NELL2: variants seen among roughly 807,000 people sequenced by gnomAD.
NELL2 encodes protein kinase C-binding protein NELL2.
NELL2 carries 41 observed loss-of-function variants against 109.6 expected under a neutral mutation model. That is an observed-to-expected ratio of 0.37 (90% CI 0.29 to 0.49). The LOEUF (loss-of-function observed/expected upper bound fraction) is 0.49. Among genes scored for constraint, NELL2 ranks in the 20% least tolerant of loss-of-function variants. The probability of loss-of-function intolerance (pLI) is 0.98; values close to 1 mark genes in which losing one functional copy is unlikely to be tolerated. For missense variants in NELL2, 900 were observed against 1,008.3 expected (o/e 0.89, Z 1.45); for synonymous variants, 355 against 344.7 (o/e 1.03, Z -0.33).
chr12:44,919,188 A>G (rs1592721794), intron 1 of NELL2, among the ~76,000 whole-genome samples: 1 of 152,210 alleles, frequency 6.6e-6, no homozygotes, highest in Admixed American at 6.5e-5. Flanking sequence ...AACAATTTTT[A>G]AAACTCCCTA....
At chr12:44,865,895 G>A (rs868595343) in intron 2 of NELL2, among the ~76,000 whole-genome samples, 6 of 151,646 alleles carry the variant, frequency 4.0e-5, no homozygotes, top group Non-Finnish European at 8.8e-5. Flanking sequence ...AACCACAATG[G>A]TATTGCTATG....
At chr12:44,714,333 GC>G (rs1382612256) in intron 10 of NELL2, among the ~76,000 whole-genome samples, 3 of 151,856 alleles carry the variant, frequency 2.0e-5, no homozygotes, top group Non-Finnish European at 4.4e-5. Flanking sequence ...GTGACAAAAA[GC>G]TAAGTCTAAC....
rs147425417 is a variant in NELL2, at chr12:44,674,414, T to C, written c.1319-8805A>G. On this transcript the variant is annotated intron_variant, in intron 12 of 19. Coordinates refer to ENST00000429094, the MANE Select transcript of NELL2 (RefSeq NM_001145108.2). ...GAGATATCCAGGGAAAATATAACGG[T>C]GTGGCAGGGCTTCAGGTGGATTTTG... Among the ~76,000 whole-genome samples the C allele has an allele frequency of 1.8e-3, 269 of 152,174 alleles. 1 individual carries two copies. Among genetic ancestry groups the C allele is most frequent in the African/African-American group, 5.9e-3 (243 of 41,524 alleles).
intron 1 of NELL2, among the ~76,000 whole-genome samples, chr12:44,906,009 A>C (rs557920284): frequency 1.3e-5 from 2 of 152,260 alleles, no homozygotes; most frequent in African/African-American, 4.8e-5. Flanking sequence ...TGCTATGGAA[A>C]TAATATAATA....
At chr12:44,518,389 C>T (rs544029330) in intron 19 of NELL2, among the ~76,000 whole-genome samples, 1 of 152,004 alleles carries the variant, frequency 6.6e-6, no homozygotes, top group Non-Finnish European at 1.5e-5. Flanking sequence ...GGACTACAGG[C>T]ACCCACCACC....
chr12:44,567,908 T>C (rs1201007432), intron 15 of NELL2, among the ~76,000 whole-genome samples: 2 of 152,130 alleles, frequency 1.3e-5, no homozygotes, highest in African/African-American at 4.8e-5. Flanking sequence ...GGAATGTTGG[T>C]AAAATATATT....
intron 13 of NELL2, among the ~76,000 whole-genome samples, chr12:44,646,464 T>C (rs376206247): frequency 6.6e-6 from 1 of 152,324 alleles, no homozygotes; most frequent in East Asian, 1.9e-4. Context: ...GTTTTTCTTA[T>C]AAATACATAC....
At chr12:44,509,734 C>G (rs1469294773) in intron 19 of NELL2, among the ~76,000 whole-genome samples, 2 of 152,050 alleles carry the variant, frequency 1.3e-5, no homozygotes, top group Admixed American at 6.6e-5. Context: ...TTTAAGCCAC[C>G]CAGTCTATGG....
chr12:44,810,583 T>A (rs1269096042), intron 3 of NELL2, among the ~76,000 whole-genome samples: 2 of 152,128 alleles, frequency 1.3e-5, no homozygotes, highest in Non-Finnish European at 2.9e-5. Flanking sequence ...CTGATTTCCA[T>A]GGAATAATTA....
chr12:44,698,913 T>A (rs1949139039), intron 12 of NELL2, among the ~76,000 whole-genome samples: 1 of 152,190 alleles, frequency 6.6e-6, no homozygotes, highest in Non-Finnish European at 1.5e-5. Context: ...CTGACACAGC[T>A]GTCATCCCCA....
intron 13 of NELL2, among the ~76,000 whole-genome samples, chr12:44,612,282 T>G (rs970392038): frequency 3.3e-5 from 5 of 152,058 alleles, no homozygotes; most frequent in African/African-American, 1.2e-4. Flanking sequence ...CTATGGCATT[T>G]TATGTCTCAT....
At chr12:44,625,334 T>C (rs184773492) in intron 13 of NELL2, among the ~76,000 whole-genome samples, 64 of 152,074 alleles carry the variant, frequency 4.2e-4, no homozygotes, top group African/African-American at 1.4e-3. Flanking sequence ...CAAAGAGTGG[T>C]TAAAAGGGAA....
chr12:44,832,166 A>C (rs958609487), intron 2 of NELL2, among the ~76,000 whole-genome samples: 2 of 152,214 alleles, frequency 1.3e-5, no homozygotes, highest in Non-Finnish European at 1.5e-5. Context: ...GCCATATAAG[A>C]ATGAGCCCCA....
chr12:44,719,126 T>A lies in NELL2; in HGVS notation c.995-4385A>T, dbSNP rs551976045. On this transcript the variant is annotated intron_variant, in intron 9 of 19. Coordinates refer to ENST00000429094, the MANE Select transcript of NELL2 (RefSeq NM_001145108.2). ...ATTATTTTCACTTCATTTTCCCCCATTTTAAGAACATAAAAACGATTAACA... is the reference window on the plus strand; with the variant it reads ...ATTATTTTCACTTCATTTTCCCCCAATTTAAGAACATAAAAACGATTAACA... Among the ~76,000 whole-genome samples the A allele has an allele frequency of 3.9e-5, 6 of 152,306 alleles. No homozygotes were observed. In the South Asian group the frequency reaches 1.2e-3, roughly 32 times the overall value.
chr12:44,592,029 G>A (rs1451643971), intron 15 of NELL2, among the ~76,000 whole-genome samples: 1 of 152,172 alleles, frequency 6.6e-6, no homozygotes, highest in Non-Finnish European at 1.5e-5. Flanking sequence ...ACCAAGGAGA[G>A]TTTTTCGGAA....
At chr12:44,602,808 T>C (rs1261328580) in intron 15 of NELL2, among the ~76,000 whole-genome samples, 3 of 152,150 alleles carry the variant, frequency 2.0e-5, no homozygotes, top group African/African-American at 7.2e-5. Context: ...CAAATATTAA[T>C]GAAATCAACA....
At chr12:44,860,088 C>T (rs1028372985) in intron 2 of NELL2, among the ~76,000 whole-genome samples, 1 of 152,154 alleles carries the variant, frequency 6.6e-6, no homozygotes, top group Non-Finnish European at 1.5e-5. Context: ...AAACTAGACA[C>T]TTGATTTTAC....
chr12:44,693,246 G>A (rs1948953548), intron 12 of NELL2, among the ~76,000 whole-genome samples: 1 of 152,124 alleles, frequency 6.6e-6, no homozygotes, highest in Non-Finnish European at 1.5e-5. Context: ...AGGCTCGGAC[G>A]ATTGTTAGCA....
At chr12:44,779,592 A>T in intron 5 of NELL2, 71 bp downstream of exon 5, 1 of 1,237,612 alleles carries the variant, frequency 8.1e-7, no homozygotes, top group Non-Finnish European at 1.2e-6. Context: ...CACCATAAAA[A>T]GTAAAATCTA....
Sources: gnomAD v4.1 joint callset for allele counts (sites outside exome capture counted in the v4.1 genomes callset) on GRCh38, gnomAD v4.1.1 for gene constraint, MANE v1.5 for transcripts, NCBI Gene and HGNC (gene_info 2026-07-23, HGNC 2026-07-21) for gene names.